Variants in SORCS3 observed in about 807,000 individuals in gnomAD.
SORCS3 encodes sortilin related VPS10 domain containing receptor 3.
Under a neutral mutation model 146.3 loss-of-function variants are expected in SORCS3, and 57 were observed. The ratio of observed to expected loss-of-function variants is 0.39; its 90% CI spans 0.31 to 0.49. SORCS3 has a LOEUF of 0.49. SORCS3 is among the 20% of genes least tolerant of loss of function. The pLI is 0.92. For missense variants in SORCS3, 1,341 were observed against 1,575.5 expected, an observed-to-expected ratio of 0.85 and a Z score of 2.52; for synonymous variants, 653 against 618.5, an observed-to-expected ratio of 1.06 and a Z score of -0.83.
intron 24 of SORCS3, among the ~76,000 whole-genome samples, chr10:105,256,405 T>G (rs2056931475): frequency 6.6e-6 from 1 of 151,730 alleles, no homozygotes; most frequent in Non-Finnish European, 1.5e-5. Context: ...TCCAGTGGGT[T>G]TTTATCAGAA....
chr10:104,697,882 G>A (rs1025794431), intron 1 of SORCS3, among the ~76,000 whole-genome samples: 3 of 152,168 alleles, frequency 2.0e-5, no homozygotes, highest in Non-Finnish European at 2.9e-5. Context: ...TAAGTGAGGG[G>A]TCTGGTTTAA....
At chr10:105,209,651 T>A (rs1358507905) in intron 16 of SORCS3, among the ~76,000 whole-genome samples, 1 of 152,150 alleles carries the variant, frequency 6.6e-6, no homozygotes, top group African/African-American at 2.4e-5. Context: ...GTGATGGCCT[T>A]CTATGACCTA....
intron 9 of SORCS3, among the ~76,000 whole-genome samples, chr10:105,149,931 G>GA (rs551193361): frequency 1.7e-4 from 26 of 152,130 alleles, no homozygotes; most frequent in Admixed American, 4.6e-4. Context: ...TCTTATTGAA[G>GA]AAAAAAATGC....
chr10:104,697,204 T>A (rs1244780849), intron 1 of SORCS3, among the ~76,000 whole-genome samples: 4 of 152,194 alleles, frequency 2.6e-5, no homozygotes, highest in Non-Finnish European at 5.9e-5. Flanking sequence ...TTTCTAGCTG[T>A]TTGATGTTGT....
At chr10:105,075,184 A>G (rs2055581000) in intron 5 of SORCS3, among the ~76,000 whole-genome samples, 1 of 152,100 alleles carries the variant, frequency 6.6e-6, no homozygotes, top group Non-Finnish European at 1.5e-5. Context: ...GGCTCATCTG[A>G]GAGGTAGCAT....
chr10:104,958,538 G>A (rs2054768995), intron 3 of SORCS3, among the ~76,000 whole-genome samples: 1 of 152,160 alleles, frequency 6.6e-6, no homozygotes, highest in Non-Finnish European at 1.5e-5. Flanking sequence ...GAAAGAGGGA[G>A]GAAGAAGAAC....
At chr10:104,835,716 G>T (rs906797062) in intron 1 of SORCS3, among the ~76,000 whole-genome samples, 2 of 152,106 alleles carry the variant, frequency 1.3e-5, no homozygotes, top group Non-Finnish European at 2.9e-5. Flanking sequence ...TTGCAGTTAG[G>T]GTCTAGAATG....
At chr10:105,045,038 A>G (rs790747) in intron 5 of SORCS3, among the ~76,000 whole-genome samples, 82,476 of 118,226 alleles carry the variant, frequency 0.7, 28,903 homozygotes, top group East Asian at 0.83. Flanking sequence ...AAAAAAAAAA[A>G]AAAGAAAGAA....
At chr10:104,822,241 A>C in intron 1 of SORCS3, 1 of 359,426 alleles carries the variant, frequency 2.8e-6, no homozygotes, top group South Asian at 2.2e-5. Context: ...GAGATTGTTT[A>C]GACCAGAGTC....
At chr10:105,204,900 A>G (rs1013964138) in intron 16 of SORCS3, among the ~76,000 whole-genome samples, 5 of 152,214 alleles carry the variant, frequency 3.3e-5, no homozygotes, top group African/African-American at 1.2e-4. Context: ...CAGTTTTTCC[A>G]ACAAATACAG....
chr10:104,761,422 G>C (rs2017121233), intron 1 of SORCS3, among the ~76,000 whole-genome samples: 1 of 152,180 alleles, frequency 6.6e-6, no homozygotes, highest in Non-Finnish European at 1.5e-5. Context: ...CAAGAAAATA[G>C]ATACAGGCCA....
At chr10:105,040,038 A>G (rs2055329610) in intron 4 of SORCS3, among the ~76,000 whole-genome samples, 1 of 152,190 alleles carries the variant, frequency 6.6e-6, no homozygotes, top group Non-Finnish European at 1.5e-5. Flanking sequence ...ACTTTGGGTT[A>G]TAGAAGGTTC....
chr10:105,154,977 G>A (rs1219798348), intron 9 of SORCS3, among the ~76,000 whole-genome samples: 1 of 152,180 alleles, frequency 6.6e-6, no homozygotes, highest in African/African-American at 2.4e-5. Flanking sequence ...ACACAAGTGG[G>A]AAATGTTCCG....
intron 1 of SORCS3, among the ~76,000 whole-genome samples, chr10:104,695,974 A>C: frequency 7.1e-6 from 1 of 141,522 alleles, no homozygotes. Flanking sequence ...CATATAATAT[A>C]TATAATATGT....
intron 7 of SORCS3, among the ~76,000 whole-genome samples, chr10:105,131,385 G>A (rs964458833): frequency 2.0e-5 from 3 of 152,112 alleles, no homozygotes; most frequent in African/African-American, 7.2e-5. Context: ...ATTCGATACA[G>A]CACAATCCTC....
intron 4 of SORCS3, among the ~76,000 whole-genome samples, chr10:104,990,704 G>C (rs548128360): frequency 2.6e-5 from 4 of 152,210 alleles, no homozygotes; most frequent in African/African-American, 9.6e-5. Context: ...TAGTCATAAG[G>C]GTCCTTTTAA....
chr10:105,259,891 C>T (rs1589715516), intron 25 of SORCS3, among the ~76,000 whole-genome samples: 1 of 152,108 alleles, frequency 6.6e-6, no homozygotes, highest in Non-Finnish European at 1.5e-5. Flanking sequence ...CATATTACTC[C>T]TCTTATTTAA....
At chr10:104,831,782 C>G (rs968415638) in intron 1 of SORCS3, among the ~76,000 whole-genome samples, 3 of 152,108 alleles carry the variant, frequency 2.0e-5, no homozygotes, top group African/African-American at 7.2e-5. Flanking sequence ...AAAACCTGCA[C>G]CTTGCTGGGT....
intron 5 of SORCS3, among the ~76,000 whole-genome samples, chr10:105,050,032 T>TACAC (rs1336738558): frequency 2.2e-5 from 3 of 135,406 alleles, no homozygotes; most frequent in Non-Finnish European, 4.7e-5. Context: ...TGTATATATA[T>TACAC]ACATACACAC....
Sources: gnomAD v4.1 joint callset for allele counts (sites outside exome capture counted in the v4.1 genomes callset) on GRCh38, gnomAD v4.1.1 for gene constraint, MANE v1.5 for transcripts, NCBI Gene and HGNC (gene_info 2026-07-23, HGNC 2026-07-21) for gene names.